GLIS3: variants seen among roughly 807,000 people sequenced by gnomAD.
GLIS3 encodes the protein GLIS family zinc finger 3.
Under a neutral mutation model 78.6 loss-of-function variants are expected in GLIS3, and 53 were observed. That is an observed-to-expected ratio of 0.67 (90% CI 0.54 to 0.85). The LOEUF (loss-of-function observed/expected upper bound fraction) is 0.85, where lower values mean the gene tolerates loss of function less well. Among genes scored for constraint, GLIS3 ranks in the 40% least tolerant of loss-of-function variants. GLIS3 has a pLI of 0.00. For missense variants in GLIS3, 1,703 were observed against 1,231.1 expected (o/e 1.38, Z -5.74); for synonymous variants, 684 against 509.9 (o/e 1.34, Z -4.60).
chr9:4,301,775 A>C (rs973539739), upstream of GLIS3, among the ~76,000 whole-genome samples: 1 of 152,174 alleles, frequency 6.6e-6, no homozygotes, highest in Non-Finnish European at 1.5e-5. Flanking sequence ...GCTGGAAGAG[A>C]AAAAAATATA....
the GLIS3 span, among the ~76,000 whole-genome samples, chr9:4,354,893 G>C: frequency 6.6e-6 from 1 of 152,108 alleles, no homozygotes; most frequent in Non-Finnish European, 1.5e-5. Flanking sequence ...GAGGTGGGCG[G>C]ATCACTAGGT....
intron 4 of GLIS3, among the ~76,000 whole-genome samples, chr9:3,981,738 G>A (rs185787189): frequency 2.0e-5 from 3 of 152,216 alleles, no homozygotes; most frequent in Admixed American, 1.3e-4. Context: ...GTTTTCTGGG[G>A]CTTTGGAAGA....
At chr9:3,837,099 C>A (rs1486958057) in intron 9 of GLIS3, among the ~76,000 whole-genome samples, 1 of 152,190 alleles carries the variant, frequency 6.6e-6, no homozygotes, top group Non-Finnish European at 1.5e-5. Context: ...GTCACCAAGT[C>A]TCATATGTCA....
intron 2 of GLIS3, among the ~76,000 whole-genome samples, chr9:4,283,476 G>A (rs952852955): frequency 3.3e-5 from 5 of 152,068 alleles, no homozygotes; most frequent in Non-Finnish European, 7.4e-5. Flanking sequence ...ATCTTGGCCA[G>A]GCTGGCTTCA....
chr9:3,906,516 G>T (rs1275312756), intron 6 of GLIS3, among the ~76,000 whole-genome samples: 1 of 152,186 alleles, frequency 6.6e-6, no homozygotes, highest in East Asian at 1.9e-4. Context: ...GAGCAGGTTG[G>T]AGGTAAATCA....
intron 2 of GLIS3, among the ~76,000 whole-genome samples, chr9:4,206,806 T>A (rs533047393): frequency 6.6e-6 from 1 of 152,144 alleles, no homozygotes; most frequent in East Asian, 1.9e-4. Flanking sequence ...AACTGTTTAT[T>A]GAAATGCGAC....
intron 2 of GLIS3, among the ~76,000 whole-genome samples, chr9:4,283,253 G>GC (rs1435548076): frequency 1.1e-5 from 1 of 90,078 alleles, no homozygotes; most frequent in African/African-American, 5.6e-5. Context: ...TTACTGTGCT[G>GC]TTTTTTTGTT....
the GLIS3 span, among the ~76,000 whole-genome samples, chr9:4,413,250 G>T: frequency 6.6e-6 from 1 of 152,172 alleles, no homozygotes; most frequent in Non-Finnish European, 1.5e-5. Flanking sequence ...TTGTTGGGAA[G>T]AATTAAATGA....
chr9:4,104,664 TCACTC>T (rs1302612310), intron 4 of GLIS3, among the ~76,000 whole-genome samples: 1 of 152,162 alleles, frequency 6.6e-6, no homozygotes, highest in Non-Finnish European at 1.5e-5. Context: ...TTCTTCCTCT[TCACTC>T]CACTCCATCC....
chr9:4,424,665 G>A, the GLIS3 span, among the ~76,000 whole-genome samples: 9 of 152,252 alleles, frequency 5.9e-5, no homozygotes, highest in Admixed American at 4.6e-4. Context: ...CTGGGTTCAA[G>A]GGATCCTCCC....
intron 2 of GLIS3, among the ~76,000 whole-genome samples, chr9:4,170,662 C>G (rs537548805): frequency 6.6e-6 from 1 of 152,104 alleles, no homozygotes; most frequent in Non-Finnish European, 1.5e-5. Flanking sequence ...AAGGCTTACA[C>G]GAAATGTACG....
chr9:4,180,066 C>T (rs912775873), intron 2 of GLIS3, among the ~76,000 whole-genome samples: 1 of 152,090 alleles, frequency 6.6e-6, no homozygotes, highest in East Asian at 1.9e-4. Flanking sequence ...CTTAGAGACT[C>T]CGCCACCTCT....
At chr9:4,050,255 T>A (rs1347546283) in intron 4 of GLIS3, among the ~76,000 whole-genome samples, 1 of 152,158 alleles carries the variant, frequency 6.6e-6, no homozygotes, top group Non-Finnish European at 1.5e-5. Context: ...CCCCATGGAA[T>A]ACTATGCAGC....
Position 3,879,554 on chromosome 9 carries a change from C to G in GLIS3, c.2170G>C (p.Ala724Pro). 6.2e-7 allele frequency: 1 copy of G among 1,614,120 alleles called. No homozygotes were observed. The highest frequency in any genetic ancestry group is 8.5e-7 in the Non-Finnish European group (1 of 1,180,022). ...SSNYSSRSGT[A>P]AGAVPPPHPV... ...TGTGGGGGTGGTACGGCCCCAGCAG[C>G]TGTTCCACTTCGGCTTGAATAATTG... Residue 724 changes from alanine (A) to proline (P), a missense_variant, in exon 8 of 11, where the codon GCT becomes CCT. Ala to Pro is a conservative substitution (Grantham distance 27, BLOSUM62 -1). Coordinates refer to ENST00000381971, the MANE Select transcript of GLIS3 (RefSeq NM_001042413.2).
At chr9:4,443,530 C>T in the GLIS3 span, among the ~76,000 whole-genome samples, 1 of 152,058 alleles carries the variant, frequency 6.6e-6, no homozygotes, top group Non-Finnish European at 1.5e-5. Context: ...AAAGAACGAT[C>T]AAGGGAAAGC....
chr9:4,114,366 T>C (rs1831463237), intron 4 of GLIS3, among the ~76,000 whole-genome samples: 1 of 152,112 alleles, frequency 6.6e-6, no homozygotes, highest in Non-Finnish European at 1.5e-5. Flanking sequence ...CATCTATTGT[T>C]TGGGTTTATA....
At chr9:4,427,756 G>A in the GLIS3 span, among the ~76,000 whole-genome samples, 1 of 151,992 alleles carries the variant, frequency 6.6e-6, no homozygotes. Flanking sequence ...CTACTCAGAA[G>A]GCTGAGGCAC....
chr9:4,128,707 T>A lies in GLIS3; in HGVS notation c.389-2766A>T, dbSNP rs982265967. Among the ~76,000 whole-genome samples the A allele has an allele frequency of 3.3e-5, 5 of 152,214 alleles. No homozygotes were observed. In the East Asian group the frequency reaches 9.6e-4, roughly 29 times the overall value. ...AGTCAGTGGGGGTAGTAATTATAAA[T>A]CCATCTTCCTGGGCCAGAATTTTAC... On this transcript the variant is annotated intron_variant, in intron 2 of 10. Transcript: ENST00000381971.
chr9:4,370,174 A>C, the GLIS3 span, among the ~76,000 whole-genome samples: 1 of 112,288 alleles, frequency 8.9e-6, no homozygotes, highest in South Asian at 3.4e-4. Context: ...ACAGAGCAAG[A>C]CTCCATCTCA....
Sources: gnomAD v4.1 joint callset for allele counts (sites outside exome capture counted in the v4.1 genomes callset) on GRCh38, gnomAD v4.1.1 for gene constraint, MANE v1.5 for transcripts, NCBI Gene and HGNC (gene_info 2026-07-23, HGNC 2026-07-21) for gene names.